The following MYRIP variants were observed in gnomAD, a reference collection of about 807,000 sequenced individuals.
MYRIP encodes the protein myosin VIIA and Rab interacting protein.
MYRIP carries 49 observed loss-of-function variants against 98.0 expected under a neutral mutation model. The observed-to-expected ratio is 0.50, with a 90% CI of 0.40 to 0.63. The LOEUF is 0.63. MYRIP is among the 30% of genes least tolerant of loss of function. MYRIP has a pLI of 0.00. For synonymous variants in MYRIP, 404 were observed against 409.5 expected, an observed-to-expected ratio of 0.99 and a Z score of 0.16; for missense variants, 1,004 against 1,058.2, an observed-to-expected ratio of 0.95 and a Z score of 0.71.
intron 2 of MYRIP, among the ~76,000 whole-genome samples, chr3:40,026,953 C>T (rs573620569): frequency 4.5e-4 from 69 of 152,190 alleles, no homozygotes; most frequent in African/African-American, 1.6e-3. Flanking sequence ...CCCTGGCTGC[C>T]CCATCCCTCT....
intron 3 of MYRIP, among the ~76,000 whole-genome samples, chr3:40,070,411 A>C (rs759059844): frequency 7.9e-5 from 12 of 152,214 alleles, no homozygotes; most frequent in Admixed American, 6.5e-4. Context: ...TCATTTATAC[A>C]GTCATTTAAC....
intron 1 of MYRIP, among the ~76,000 whole-genome samples, chr3:39,850,005 G>A (rs569360890): frequency 7.2e-5 from 11 of 152,328 alleles, no homozygotes; most frequent in African/African-American, 2.6e-4. Flanking sequence ...TACTTCCTGA[G>A]AGGGAAGGCA....
rs370083642 is a variant in MYRIP at position 40,209,838 on chromosome 3, T to G, written c.1666-16T>G. On this transcript the variant is annotated splice_polypyrimidine_tract_variant and intron_variant, in intron 10 of 16. Coordinates refer to ENST00000302541, the MANE Select transcript of MYRIP (RefSeq NM_015460.4). ...AGCAGAGGGCTCCTCATCTCATGAT[T>G]CTGGCTTTCATTTAGGTGTCGGATG... 4 of 1,613,586 alleles carry G rather than the reference T, an allele frequency of 2.5e-6. No individual in the cohort carries two copies. The African/African-American group carries it at 5.3e-5, about 22-fold the overall frequency.
In MYRIP at chr3:39,872,662, T is replaced by C. The variant is rs554386570; in HGVS notation, c.-30-28125T>C. Among the ~76,000 whole-genome samples, 8 of 152,158 alleles carry C rather than the reference T, an allele frequency of 5.3e-5. No individual in the cohort carries two copies. The East Asian group carries it at 7.7e-4, about 15-fold the overall frequency. On this transcript the variant is annotated intron_variant, in intron 1 of 16. Transcript: ENST00000302541. ...TTCATCCATGTCCCTACAAAGGACA[T>C]GAACTCATCATTTTTTATGGCTGCA...
intron 1 of MYRIP, among the ~76,000 whole-genome samples, chr3:39,846,425 G>C (rs1314528194): frequency 6.6e-6 from 1 of 151,704 alleles, no homozygotes; most frequent in Non-Finnish European, 1.5e-5. Flanking sequence ...GGGCTGTGAA[G>C]GTTGATCATC....
At chr3:40,230,880 G>T (rs1952634527) in intron 11 of MYRIP, among the ~76,000 whole-genome samples, 1 of 150,588 alleles carries the variant, frequency 6.6e-6, no homozygotes, top group African/African-American at 2.5e-5. Context: ...AGGCTGGAGT[G>T]CAATGGCGGG....
At chr3:39,947,201 T>C (rs968927365) in intron 2 of MYRIP, among the ~76,000 whole-genome samples, 8 of 152,086 alleles carry the variant, frequency 5.3e-5, no homozygotes, top group South Asian at 2.1e-4. Flanking sequence ...TATTTTAGGA[T>C]GAGATTAAGC....
At chr3:39,952,247 A>G (rs1945034802) in intron 2 of MYRIP, among the ~76,000 whole-genome samples, 1 of 152,134 alleles carries the variant, frequency 6.6e-6, no homozygotes, top group Non-Finnish European at 1.5e-5. Context: ...TCATTGCCAC[A>G]TAGTAGTCTA....
chr3:40,182,449 G>A, intron 9 of MYRIP, 76 bp downstream of exon 9: 1 of 1,480,452 alleles, frequency 6.8e-7, no homozygotes, highest in Admixed American at 1.9e-5. Flanking sequence ...GCTATTGCAT[G>A]GCCACTCTGC....
chr3:39,874,568 C>G (rs1020809543), intron 1 of MYRIP, among the ~76,000 whole-genome samples: 24 of 152,120 alleles, frequency 1.6e-4, no homozygotes, highest in Non-Finnish European at 2.2e-4. Context: ...TGAATTGTGT[C>G]AAAGGCCTTT....
At chr3:40,239,064 C>G (rs11129871) in intron 12 of MYRIP, among the ~76,000 whole-genome samples, 41,585 of 125,948 alleles carry the variant, frequency 0.33, 7,403 homozygotes, top group East Asian at 0.6. Context: ...CCCCTCCCCC[C>G]ACCCCACAAC....
At chr3:39,856,982 C>T (rs998698602) in intron 1 of MYRIP, among the ~76,000 whole-genome samples, 1 of 152,082 alleles carries the variant, frequency 6.6e-6, no homozygotes, top group Non-Finnish European at 1.5e-5. Flanking sequence ...AGGCCAATCT[C>T]AGCACTTTGG....
chr3:39,865,375 C>A (rs538409202), intron 1 of MYRIP, among the ~76,000 whole-genome samples: 3 of 152,054 alleles, frequency 2.0e-5, no homozygotes, highest in African/African-American at 7.2e-5. Context: ...ACAGAGTAAA[C>A]AGAGTAAACA....
chr3:40,206,109 G>A (rs114138314), intron 10 of MYRIP, among the ~76,000 whole-genome samples: 2,496 of 152,204 alleles, frequency 0.016, 17 homozygotes, highest in East Asian at 0.031. Context: ...GGGGTCCACA[G>A]AGGCCCATCC....
chr3:39,986,612 T>C (rs1946038442), intron 2 of MYRIP, among the ~76,000 whole-genome samples: 1 of 152,122 alleles, frequency 6.6e-6, no homozygotes, highest in African/African-American at 2.4e-5. Context: ...CATGCCCATT[T>C]CCCTTTGCCA....
At chr3:39,932,632 G>A (rs1035743666) in intron 2 of MYRIP, among the ~76,000 whole-genome samples, 4 of 151,980 alleles carry the variant, frequency 2.6e-5, no homozygotes, top group Admixed American at 6.6e-5. Flanking sequence ...TGATCTACCC[G>A]CCTTGGCCTC....
At chr3:39,913,531 A>G (rs1944077046) in intron 2 of MYRIP, among the ~76,000 whole-genome samples, 2 of 152,336 alleles carry the variant, frequency 1.3e-5, no homozygotes, top group Admixed American at 1.3e-4. Flanking sequence ...ACTTCTGCCT[A>G]AAAACTCAGC....
intron 8 of MYRIP, among the ~76,000 whole-genome samples, chr3:40,177,829 G>A (rs1950800745): frequency 6.6e-6 from 1 of 152,128 alleles, no homozygotes; most frequent in Non-Finnish European, 1.5e-5. Flanking sequence ...TGTGCCCAGT[G>A]ACTAAGGTGA....
At chr3:39,905,991 T>G (rs536596891) in intron 2 of MYRIP, among the ~76,000 whole-genome samples, 1 of 152,184 alleles carries the variant, frequency 6.6e-6, no homozygotes, top group African/African-American at 2.4e-5. Flanking sequence ...CATGTGAGGA[T>G]CCTGGGGAGC....
Sources: gnomAD v4.1 joint callset for allele counts (sites outside exome capture counted in the v4.1 genomes callset) on GRCh38, gnomAD v4.1.1 for gene constraint, MANE v1.5 for transcripts, NCBI Gene and HGNC (gene_info 2026-07-23, HGNC 2026-07-21) for gene names.